Variants in FIG4 observed in about 807,000 individuals in gnomAD.
FIG4 encodes FIG4 phosphoinositide 5-phosphatase.
Under a neutral mutation model 118.6 loss-of-function variants are expected in FIG4, and 112 were observed. That is an observed-to-expected ratio of 0.94 (90% CI 0.81 to 1.11). The LOEUF (loss-of-function observed/expected upper bound fraction) is 1.11, where lower values mean the gene tolerates loss of function less well. Ranked by LOEUF, FIG4 falls within the 50% of genes least tolerant of loss-of-function variation. The pLI, the probability that FIG4 is intolerant of heterozygous loss-of-function variation, is 0.00. For missense variants in FIG4, 969 were observed against 1,111.7 expected, an observed-to-expected ratio of 0.87 and a Z score of 1.83; for synonymous variants, 369 against 381.2, an observed-to-expected ratio of 0.97 and a Z score of 0.37.
rs576448563 is a variant in FIG4, at chr6:109,781,826, G to A, written c.1890-3144G>A. On this transcript the variant is annotated intron_variant, in intron 16 of 22. Transcript: ENST00000230124. ...CTAATTCAAGTACTTGATGAAAAAT[G>A]TTGAGTACAGTAGGGTAAATGGCAG... Among the ~76,000 whole-genome samples, 9 of 144,716 alleles carry A rather than the reference G, an allele frequency of 6.2e-5. No individual in the cohort carries two copies. The South Asian group carries it at 2.0e-3, about 32-fold the overall frequency. The allele number at this position is 144,716 out of a possible 152,430, so 94.9% of individuals were successfully genotyped here.
rs564037652 is a variant in FIG4, at chr6:109,802,246, A to T, written c.2546+5395A>T. Among the ~76,000 whole-genome samples the T allele has an allele frequency of 1.6e-4, 24 of 151,230 alleles. No individual in the cohort carries two copies. In the South Asian group the frequency reaches 5.1e-3, roughly 32 times the overall value. On this transcript the variant is annotated intron_variant, in intron 22 of 22. Coordinates refer to ENST00000230124, the MANE Select transcript of FIG4 (RefSeq NM_014845.6). ...TTACCTCTTTCTCCCCTCCCCATTT[A>T]TTTTTGCCTTCCTTTCGCTTTTCTT... is the stretch of plus-strand genomic sequence containing the variant.
chr6:109,800,646 T>C (rs1016197698), intron 22 of FIG4, among the ~76,000 whole-genome samples: 3 of 152,058 alleles, frequency 2.0e-5, no homozygotes, highest in Admixed American at 6.5e-5. Context: ...CTGACTCTCA[T>C]CCCCCATCAC....
At chr6:109,756,441 C>A (rs1202158587) in intron 10 of FIG4, among the ~76,000 whole-genome samples, 2 of 151,794 alleles carry the variant, frequency 1.3e-5, no homozygotes, top group Non-Finnish European at 2.9e-5. Context: ...CGAGGAGTAT[C>A]TTTGTGGTGT....
intron 22 of FIG4, among the ~76,000 whole-genome samples, chr6:109,823,023 A>G (rs1024929379): frequency 2.0e-5 from 3 of 151,982 alleles, no homozygotes; most frequent in Admixed American, 6.6e-5. Flanking sequence ...GCAGCCTTAG[A>G]CATAACAAAT....
chr6:109,757,032 C>G (rs1256492640), intron 10 of FIG4, among the ~76,000 whole-genome samples: 1 of 152,162 alleles, frequency 6.6e-6, no homozygotes, highest in Non-Finnish European at 1.5e-5. Context: ...CTGCGTCGCT[C>G]ACGCTGGGAG....
intron 22 of FIG4, among the ~76,000 whole-genome samples, chr6:109,814,164 T>A (rs1562698363): frequency 6.6e-6 from 1 of 152,206 alleles, no homozygotes; most frequent in Non-Finnish European, 1.5e-5. Context: ...ATTTATTTAT[T>A]TAAAGACAGT....
At position 109,762,090 on chromosome 6, in the gene FIG4, G is replaced by C; in HGVS notation, c.1272-1G>C. ...TTTCTCATTCTTCCTTCTCTCCTCA[G>C]CAAGCTGTGTAATGTTCTTGATCGA... On this transcript the variant is annotated splice_acceptor_variant, in intron 11 of 22. Coordinates refer to ENST00000230124, the MANE Select transcript of FIG4 (RefSeq NM_014845.6). LOFTEE classifies it high-confidence loss of function. 2 of 1,585,772 alleles carry C rather than the reference G, an allele frequency of 1.3e-6. No homozygotes were observed. Among genetic ancestry groups the C allele is most frequent in the Non-Finnish European group, 1.7e-6 (2 of 1,154,280 alleles).
chr6:109,803,615 TTTTTTC>T (rs1428357690), intron 22 of FIG4, among the ~76,000 whole-genome samples: 1 of 147,178 alleles, frequency 6.8e-6, no homozygotes, highest in East Asian at 2.4e-4. Context: ...GTTAAATTTC[TTTTTTC>T]TTTTTTTTTT....
Position 109,812,361 on chromosome 6 carries a change from C to A in FIG4, c.2547-12727C>A, listed in dbSNP as rs186898365. Among the ~76,000 whole-genome samples the A allele has an allele frequency of 5.5e-4, 84 of 152,214 alleles. 2 individuals are homozygous for A. Among genetic ancestry groups the A allele is most frequent in the Admixed American group, 5.4e-3 (83 of 15,288 alleles). ...GGATGGAGTGAGGCATAGGTAGGGG[C>A]CAGATCTCAGGGAACCTCTCACAGG... On this transcript the variant is annotated intron_variant, in intron 22 of 22. Transcript: ENST00000230124.
At chr6:109,738,825 A>C (rs1776239077) in intron 7 of FIG4, among the ~76,000 whole-genome samples, 1 of 152,116 alleles carries the variant, frequency 6.6e-6, no homozygotes, top group African/African-American at 2.4e-5. Flanking sequence ...GAGAGAGATC[A>C]GGCCGAGCAG....
intron 22 of FIG4, among the ~76,000 whole-genome samples, chr6:109,820,727 C>T (rs1220285498): frequency 6.6e-6 from 1 of 152,134 alleles, no homozygotes; most frequent in Non-Finnish European, 1.5e-5. Flanking sequence ...ATTTTAAAAT[C>T]TCTCTGAATC....
intron 20 of FIG4, 128 bp from the exon 21 acceptor site, chr6:109,792,454 A>G: frequency 1.6e-6 from 1 of 642,024 alleles, no homozygotes. Context: ...AGTTTAATGA[A>G]CAGGTTAAAG....
Position 109,777,058 on chromosome 6 carries a change from A to T in FIG4, c.1887A>T (p.Arg629Ser). ...KNTMRLLPTR[R>S]SYTYWWTPEV... ...CCATGAGACTTTTGCCAACAAGAAG[A>T]AGGTATTTTTCTTCCTAGTCTGTAA... The change falls in exon 16 of 23, where the codon AGA (arginine) becomes AGT (serine). Residue 629 changes from arginine (R) to serine (S), a missense_variant and splice_region_variant. Physicochemically the swap from Arg to Ser is moderately radical, Grantham distance 110 (BLOSUM62 -1). Coordinates refer to ENST00000230124, the MANE Select transcript of FIG4 (RefSeq NM_014845.6). 6.2e-7 allele frequency: 1 copy of T among 1,613,486 alleles called. No individual in the cohort carries two copies. The highest frequency in any genetic ancestry group is 8.5e-7 in the Non-Finnish European group (1 of 1,179,498).
chr6:109,751,513 G>A (rs983016736), intron 10 of FIG4, among the ~76,000 whole-genome samples: 4 of 152,120 alleles, frequency 2.6e-5, no homozygotes, highest in Non-Finnish European at 5.9e-5. Context: ...TTGTACCTCT[G>A]GTAGAATTTG....
At chr6:109,810,068 G>T (rs901893014) in intron 22 of FIG4, among the ~76,000 whole-genome samples, 1 of 152,112 alleles carries the variant, frequency 6.6e-6, no homozygotes, top group Non-Finnish European at 1.5e-5. Flanking sequence ...CTCCTTAGGG[G>T]CAAGGAGTCC....
chr6:109,787,849 C>T (rs758976035), intron 18 of FIG4, among the ~76,000 whole-genome samples: 19 of 152,154 alleles, frequency 1.2e-4, no homozygotes. Context: ...CCAATCAATA[C>T]ATAACCTAGT....
At chr6:109,707,590 G>A (rs1224582133) in intron 1 of FIG4, among the ~76,000 whole-genome samples, 1 of 151,682 alleles carries the variant, frequency 6.6e-6, no homozygotes, top group East Asian at 1.9e-4. Flanking sequence ...ATTCTTGAAG[G>A]TTCAATTCTA....
chr6:109,728,582 A>T (rs1205549207), intron 4 of FIG4, among the ~76,000 whole-genome samples: 2 of 152,186 alleles, frequency 1.3e-5, no homozygotes, highest in Non-Finnish European at 2.9e-5. Flanking sequence ...CTGTTGCTTG[A>T]GACCATCTTA....
chr6:109,693,947 TAAATA>T (rs1774631435), intron 1 of FIG4, among the ~76,000 whole-genome samples: 1 of 151,606 alleles, frequency 6.6e-6, no homozygotes, highest in Non-Finnish European at 1.5e-5. Flanking sequence ...AAAGTATAAA[TAAATA>T]AGAAAAAGGC....
Sources: allele counts gnomAD v4.1 joint callset (sites outside exome capture counted in the v4.1 genomes callset), GRCh38; gene constraint gnomAD v4.1.1; transcripts MANE v1.5; gene names NCBI Gene and HGNC (gene_info 2026-07-23, HGNC 2026-07-21).